The following TTN variants were observed in gnomAD, a reference collection of about 807,000 sequenced individuals.
TTN encodes the protein titin, also known as connectin.
A neutral mutation model predicts 3,223.0 loss-of-function variants in TTN; 1,525 were observed. The observed-to-expected ratio is 0.47, with a 90% CI of 0.45 to 0.49. The LOEUF (loss-of-function observed/expected upper bound fraction) is 0.49. TTN is among the 20% of genes least tolerant of loss of function. TTN has a pLI of 0.00. For missense variants in TTN, 40,786 were observed against 43,424.0 expected (o/e 0.94, Z 5.40); for synonymous variants, 14,094 against 15,161.0 (o/e 0.93, Z 5.17).
In TTN at chr2:178,705,138, C is replaced by CT. The variant is rs533796953; in HGVS notation, c.29604+35dup. 1.1e-3 allele frequency: 1,835 copies of CT among 1,599,652 alleles called. 26 individuals are homozygous for CT. In the African/African-American group the frequency reaches 0.023, roughly 20 times the overall value. ...AATATGTGAGATGTTTTAAATGTGA[C>CT]TTTTTTAGCATGATGCTATATATGA... On this transcript the variant is annotated intron_variant, in intron 103 of 362. Coordinates refer to ENST00000589042, the MANE Select transcript of TTN (RefSeq NM_001267550.2).
chr2:178,597,807 A>G lies in TTN; in HGVS notation c.57275T>C (p.Leu19092Pro), dbSNP rs542259178. The change falls in exon 294 of 363, where the codon CTT becomes CCT. Residue 19092 changes from leucine (L) to proline (P), a missense_variant. Coordinates refer to ENST00000589042, the MANE Select transcript of TTN (RefSeq NM_001267550.2). Reference protein sequence around the residue: ...EMKDRLVSPDLQLDASVRDRI... With the variant: ...EMKDRLVSPDPQLDASVRDRI... ...ATCTCTGACACTGGCATCTAGCTGAAGGTCAGGTGAAACTGGAAGCAATTG... is the reference window on the plus strand; with the variant it reads ...ATCTCTGACACTGGCATCTAGCTGAGGGTCAGGTGAAACTGGAAGCAATTG... The G allele has an allele frequency of 8.7e-6, 14 of 1,613,162 alleles. No individual in the cohort carries two copies. The South Asian group carries it at 1.4e-4, about 16-fold the overall frequency.
intron 111 of TTN, 28 bp downstream of exon 111, chr2:178,701,092 C>T (rs1162345130): frequency 4.4e-6 from 7 of 1,601,850 alleles, no homozygotes; most frequent in Admixed American, 1.7e-5. Flanking sequence ...ATTCTTATTT[C>T]GACATCTAGG....
Position 178,560,102 on chromosome 2 carries a change from A to G in TTN, c.86030T>C (p.Phe28677Ser), listed in dbSNP as rs1553561985. The G allele has an allele frequency of 1.2e-6, 2 of 1,613,682 alleles. No individual in the cohort carries two copies. The highest frequency in any genetic ancestry group is 1.7e-6 in the Non-Finnish European group (2 of 1,179,782). Residue 28677 changes from phenylalanine (F) to serine (S), a missense_variant, in exon 326 of 363, where the codon TTT becomes TCT. Transcript: ENST00000589042. ...TCCAGTTATCGGGGCCCCACCATCA[A>G]ACAGCGGCTTAACCCAGGCAATAGT... ...TITIAWVKPL[F>S]DGGAPITGYT...
intron 151 of TTN, 125 bp from the exon 152 acceptor site, chr2:178,673,835 G>T (rs2067476845): frequency 2.9e-6 from 2 of 685,196 alleles, no homozygotes; most frequent in Non-Finnish European, 4.8e-6. Context: ...AACCTAAATG[G>T]TAATAATAAA....
intron 359 of TTN, 21 bp downstream of exon 359, chr2:178,529,939 T>C (rs1157407516): frequency 1.3e-6 from 2 of 1,580,318 alleles, no homozygotes; most frequent in Non-Finnish European, 8.5e-7. Flanking sequence ...GAAATGTGGG[T>C]AAAAACAAAA....
chr2:178,637,854 T>C (rs529400396), intron 223 of TTN, among the ~76,000 whole-genome samples: 41 of 151,918 alleles, frequency 2.7e-4, no homozygotes, highest in Admixed American at 1.9e-3. Context: ...TTTTTATGTC[T>C]AAATTGGGCA....
intron 92 of TTN, among the ~76,000 whole-genome samples, 199 bp from the exon 93 acceptor site, chr2:178,713,571 T>C (rs1203738563): frequency 6.6e-6 from 1 of 152,178 alleles, no homozygotes; most frequent in African/African-American, 2.4e-5. Flanking sequence ...AATGTGATGG[T>C]TGACTTGCTA....
chr2:178,722,067 A>G lies in TTN; in HGVS notation c.22596T>C (p.Ala7532=), dbSNP rs1388006591. ...VSIDVIAGES[A]DFECHVTGAQ... ...CACCAGTAACATGACACTCAAAATC[A>G]GCACTTTCTCCAGCAATAACATCTA... is the stretch of plus-strand genomic sequence containing the variant. Residue 7532 remains alanine, a synonymous_variant, in exon 78 of 363, where the codon GCT becomes GCC. Coordinates refer to ENST00000589042, the MANE Select transcript of TTN (RefSeq NM_001267550.2). The G allele has an allele frequency of 6.2e-7, 1 of 1,611,810 alleles. No homozygotes were observed. Among genetic ancestry groups the G allele is most frequent in the Non-Finnish European group, 8.5e-7 (1 of 1,178,778 alleles).
chr2:178,707,790 C>T lies in TTN; in HGVS notation c.28777G>A (p.Asp9593Asn). The T allele has an allele frequency of 1.2e-6, 2 of 1,601,294 alleles. No homozygotes were observed. The highest frequency in any genetic ancestry group is 1.7e-6 in the Non-Finnish European group (2 of 1,171,034). The change falls in exon 100 of 363, where the codon GAT becomes AAT. Residue 9593 changes from aspartate (D) to asparagine (N), a missense_variant. Transcript: ENST00000589042. ...IKEPKKPPVF[D>N]QHLTPVTVSE... ...ACTGTTACTGGAGTAAGGTGCTGATCAAATACAGGTGGCTTCTTAGGTTCT... is the reference window on the plus strand; with the variant it reads ...ACTGTTACTGGAGTAAGGTGCTGATTAAATACAGGTGGCTTCTTAGGTTCT...
intron 62 of TTN, 34 bp downstream of exon 62, chr2:178,730,059 C>T (rs1192998817): frequency 9.0e-7 from 1 of 1,107,494 alleles, no homozygotes; most frequent in South Asian, 1.3e-5. Context: ...AAAATCTAGA[C>T]AAGCAAGAAA....
Position 178,738,081 on chromosome 2 carries a change from C to T in TTN, c.14371+1G>A. On this transcript the variant is annotated splice_donor_variant, in intron 49 of 362. Coordinates refer to ENST00000589042, the MANE Select transcript of TTN (RefSeq NM_001267550.2). LOFTEE classifies it high-confidence loss of function. Reference sequence around the variant, plus strand: ...CATCTGTGCCAATGTATGGCATTTACCTGTCACAGTTAGTGTGGCTGTACA... The same window carrying T: ...CATCTGTGCCAATGTATGGCATTTATCTGTCACAGTTAGTGTGGCTGTACA... 6.2e-7 allele frequency: 1 copy of T among 1,610,984 alleles called. No individual in the cohort carries two copies.
rs751724643 is a variant in TTN at position 178,571,567 on chromosome 2, G to T, written c.74565C>A (p.Thr24855=). ...IVEKRDTSTT[T]WQIVSATVAR... ...CAACTGTAGCTGATACAATTTGCCA[G>T]GTGGTTGTGGAAGTGTCCCGTTTCT... is the stretch of plus-strand genomic sequence containing the variant. Residue 24855 remains threonine, a synonymous_variant, in exon 326 of 363, where the codon ACC becomes ACA. Coordinates refer to ENST00000589042, the MANE Select transcript of TTN (RefSeq NM_001267550.2). The T allele has an allele frequency of 6.2e-7, 1 of 1,613,256 alleles. No individual in the cohort carries two copies. The highest frequency in any genetic ancestry group is 1.7e-5 in the Admixed American group (1 of 59,982).
chr2:178,664,607 C>G (rs769393802), intron 167 of TTN, 47 bp downstream of exon 167: 2 of 1,606,520 alleles, frequency 1.2e-6, no homozygotes, highest in Non-Finnish European at 8.5e-7. Context: ...AACATTTATA[C>G]AAGAAAAGAC....
Position 178,535,378 on chromosome 2 carries a change from C to T in TTN, c.101237G>A (p.Arg33746His), listed in dbSNP as rs372584865. ...WLRVGQARET[R>H]YTVINLFGKT... is the part of the protein sequence containing the mutation. ...TCCAAATAAGTTGATCACGGTATAACGTGTTTCTCGGGCCTGTCCTACACG... is the reference window on the plus strand; with the variant it reads ...TCCAAATAAGTTGATCACGGTATAATGTGTTTCTCGGGCCTGTCCTACACG... Residue 33746 changes from arginine to histidine, a missense_variant, in exon 358 of 363, where the codon CGT becomes CAT. By Grantham distance (29) the Arg-to-His change is conservative (BLOSUM62 0). Coordinates refer to ENST00000589042, the MANE Select transcript of TTN (RefSeq NM_001267550.2). 26 of 1,613,784 alleles carry T rather than the reference C, an allele frequency of 1.6e-5. No individual in the cohort carries two copies. The highest frequency in any genetic ancestry group is 2.2e-5 in the South Asian group (2 of 91,094).
In TTN at chr2:178,698,930, AAG is replaced by A. The variant is rs2154286716; in HGVS notation, c.30683-18_30683-17del. On this transcript the variant is annotated splice_polypyrimidine_tract_variant and intron_variant, in intron 111 of 362. Transcript: ENST00000589042. ...TTTTTGGTAACTAAAAAAAAAAAAAAAGAAAAAAAAAGAAAAAATATTTCTGG... is the reference window on the plus strand; with the variant it reads ...TTTTTGGTAACTAAAAAAAAAAAAAAAAAAAAAAAGAAAAAATATTTCTGG... 39 of 1,483,498 alleles carry A rather than the reference AAG, an allele frequency of 2.6e-5. No homozygotes were observed. The highest frequency in any genetic ancestry group is 1.5e-4 in the East Asian group (6 of 39,828). The allele number at this position is 1,483,498 out of a possible 1,614,324, so 91.9% of individuals were successfully genotyped here. A position where few individuals can be genotyped will look rare whatever the true frequency, so the allele number is the denominator to read the frequency against.
At position 178,566,769 on chromosome 2, in the gene TTN, G is replaced by A; in HGVS notation, c.79363C>T (p.His26455Tyr). 6.2e-7 allele frequency: 1 copy of A among 1,613,376 alleles called. No individual in the cohort carries two copies. The highest frequency in any genetic ancestry group is 8.5e-7 in the Non-Finnish European group (1 of 1,179,684). Residue 26455 changes from histidine (H) to tyrosine (Y), a missense_variant, in exon 326 of 363, where the codon CAT (histidine) becomes TAT (tyrosine). Transcript: ENST00000589042. Reference protein sequence around the residue: ...RLRVTGLTEDHEYEFRVSAEN... With the variant: ...RLRVTGLTEDYEYEFRVSAEN... ...GCAGAGACCCTGAATTCATACTCAT[G>A]ATCTTCTGTTAATCCTGTCACTCTT...
In TTN at chr2:178,782,565, A is replaced by T. The variant is rs1060503945; in HGVS notation, c.3138T>A (p.Thr1046=). ...EEFEKETTAV[T]EKFTTEEKRF... ...GTTTCTCTTCTGTAGTAAATTTCTC[A>T]GTCACGGCTGTGGTTTCCTTTTCAA... The change falls in exon 19 of 363, where the codon ACT becomes ACA. Residue 1046 remains threonine, a synonymous_variant. Coordinates refer to ENST00000589042, the MANE Select transcript of TTN (RefSeq NM_001267550.2). 6.2e-7 allele frequency: 1 copy of T among 1,614,022 alleles called. No homozygotes were observed. Among genetic ancestry groups the T allele is most frequent in the Non-Finnish European group, 8.5e-7 (1 of 1,179,974 alleles).
At chr2:178,755,513 G>A (rs2154334341) in intron 46 of TTN, among the ~76,000 whole-genome samples, 1 of 152,264 alleles carries the variant, frequency 6.6e-6, no homozygotes, top group East Asian at 1.9e-4. Context: ...TCGGCTCACT[G>A]CAACCTCTGC....
Position 178,724,736 on chromosome 2 carries a change from GT to G in TTN, c.20837-199del, listed in dbSNP as rs1479125950. ...TTTATTTTAATATTTTTTCTTTTCA[GT>G]TTTTTCTTTATTTTTTGTTTTTCCC... On this transcript the variant is annotated intron_variant, in intron 71 of 362. Coordinates refer to ENST00000589042, the MANE Select transcript of TTN (RefSeq NM_001267550.2). 5 of 531,100 alleles carry G rather than the reference GT, an allele frequency of 9.4e-6. No homozygotes were observed. In the East Asian group the frequency reaches 1.1e-4, roughly 12 times the overall value. The allele number at this position is 531,100 out of a possible 1,614,324, so 32.9% of individuals were successfully genotyped here. A position where few individuals can be genotyped will look rare whatever the true frequency, so the allele number is the denominator to read the frequency against.
Sources: allele counts gnomAD v4.1 joint callset (sites outside exome capture counted in the v4.1 genomes callset), GRCh38; gene constraint gnomAD v4.1.1; transcripts MANE v1.5; gene names NCBI Gene and HGNC (gene_info 2026-07-23, HGNC 2026-07-21).